The following ACAD11 variants were observed in gnomAD, a reference collection of about 807,000 sequenced individuals.
ACAD11 encodes acyl-Coenzyme A dehydrogenase family, member 11.
A neutral mutation model predicts 102.2 loss-of-function variants in ACAD11; 83 were observed. The ratio of observed to expected loss-of-function variants is 0.81; its 90% CI spans 0.68 to 0.97. The LOEUF (loss-of-function observed/expected upper bound fraction) is 0.97, where lower values mean the gene tolerates loss of function less well. Ranked by LOEUF, ACAD11 falls within the 50% of genes least tolerant of loss-of-function variation. The pLI, the probability that ACAD11 is intolerant of heterozygous loss-of-function variation, is 0.00. For missense variants in ACAD11, 901 were observed against 951.7 expected (o/e 0.95, Z 0.70); for synonymous variants, 324 against 319.8 (o/e 1.01, Z -0.14).
At chr3:132,638,439 C>T (rs1186008636) in intron 5 of ACAD11, among the ~76,000 whole-genome samples, 1 of 152,118 alleles carries the variant, frequency 6.6e-6, no homozygotes. Context: ...TTTAAGTTCA[C>T]ACTGCTAGGG....
chr3:132,559,581 C>T (rs11920082), intron 19 of ACAD11, among the ~76,000 whole-genome samples: 3,546 of 152,084 alleles, frequency 0.023, 139 homozygotes, highest in African/African-American at 0.08. Context: ...AGCGAAACCC[C>T]ATGCTGTATC....
In ACAD11 at chr3:132,561,314, T is replaced by C. The variant is rs1252940368; in HGVS notation, c.2002-97A>G. On this transcript the variant is annotated intron_variant, in intron 17 of 19. Coordinates refer to ENST00000264990, the MANE Select transcript of ACAD11 (RefSeq NM_032169.5). ...CTTATAGTTTGGTGAAAACACTCTC[T>C]AAGCCAGAGATTGTTCACAAGCTTT... 15 of 873,722 alleles carry C rather than the reference T, an allele frequency of 1.7e-5. No individual in the cohort carries two copies. The Admixed American group carries it at 2.3e-4, about 13-fold the overall frequency. 54.1% of individuals were successfully genotyped at this position (873,722 alleles called of 1,614,324 possible). A position where few individuals can be genotyped will look rare whatever the true frequency, so the allele number is the denominator to read the frequency against.
chr3:132,623,926 A>C (rs1302232108), intron 9 of ACAD11, among the ~76,000 whole-genome samples: 2 of 152,186 alleles, frequency 1.3e-5, no homozygotes, highest in Non-Finnish European at 2.9e-5. Flanking sequence ...TTTTAGAGAA[A>C]GTAGGTAGGA....
At chr3:132,631,203 A>G (rs1227635979) in intron 6 of ACAD11, 138 bp downstream of exon 6, 1 of 468,772 alleles carries the variant, frequency 2.1e-6, no homozygotes, top group Admixed American at 4.5e-5. Context: ...ATAAAATAAA[A>G]ATAAAAATCA....
rs1370162862 is a variant in ACAD11, at chr3:132,630,455, C to T, written c.945G>A (p.Lys315=). Residue 315 remains lysine (K), a synonymous_variant, in exon 7 of 20, where the codon AAG becomes AAA. Coordinates refer to ENST00000264990, the MANE Select transcript of ACAD11 (RefSeq NM_032169.5). The part of the protein sequence containing the change: ...WNFFLALSYF[K]MAGIAQGVYS... ...TAATTACCTGTGCTATTCCAGCCAT[C>T]TTAAAATATGAAAGGGCAAGAAAGA... 1 of 1,613,100 alleles carries T rather than the reference C, an allele frequency of 6.2e-7. No homozygotes were observed. Among genetic ancestry groups the T allele is most frequent in the East Asian group, 2.2e-5 (1 of 44,798 alleles).
chr3:132,641,698 G>GGAA (rs199597510), intron 4 of ACAD11, among the ~76,000 whole-genome samples: 16,416 of 116,162 alleles, frequency 0.14, 1,524 homozygotes, highest in Middle Eastern at 0.31. Flanking sequence ...AAGAGGAAGA[G>GGAA]GAAGAAGAAG....
At chr3:132,582,190 CAG>C (rs1937609861) in intron 13 of ACAD11, among the ~76,000 whole-genome samples, 1 of 151,518 alleles carries the variant, frequency 6.6e-6, no homozygotes, top group East Asian at 1.9e-4. Context: ...TAAGAAAGAG[CAG>C]AGAGAGTTAT....
intron 11 of ACAD11, among the ~76,000 whole-genome samples, chr3:132,617,714 T>C (rs555694335): frequency 1.6e-4 from 24 of 152,318 alleles, no homozygotes; most frequent in African/African-American, 5.8e-4. Flanking sequence ...AAATTCCCAT[T>C]GGCTCATCCT....
At chr3:132,617,376 A>G (rs979220455) in intron 11 of ACAD11, among the ~76,000 whole-genome samples, 1 of 152,022 alleles carries the variant, frequency 6.6e-6, no homozygotes, top group Non-Finnish European at 1.5e-5. Context: ...TACTCCTTTC[A>G]TTTTACTTTT....
intron 18 of ACAD11, 60 bp downstream of exon 18, chr3:132,561,041 A>G (rs762205697): frequency 7.8e-7 from 1 of 1,288,626 alleles, no homozygotes; most frequent in Non-Finnish European, 1.1e-6. Context: ...AATGTCCAAC[A>G]GGTGAGAGAA....
chr3:132,568,801 C>CAAAAAAAAAAAAAAAAAAAA (rs755568917), intron 17 of ACAD11, among the ~76,000 whole-genome samples: 26 of 68,680 alleles, frequency 3.8e-4, no homozygotes, highest in East Asian at 1.3e-3. Context: ...CATCCACAGG[C>CAAAAAAAAAAAAAAAAAAAA]AAAAAAAAAA....
intron 6 of ACAD11, among the ~76,000 whole-genome samples, chr3:132,630,836 C>G (rs904398204): frequency 1.4e-4 from 21 of 152,178 alleles, no homozygotes; most frequent in South Asian, 2.1e-4. Flanking sequence ...TAGCACTTTG[C>G]GGGGGCCGAG....
At chr3:132,598,895 G>A (rs924142016) in intron 13 of ACAD11, among the ~76,000 whole-genome samples, 1 of 152,212 alleles carries the variant, frequency 6.6e-6, no homozygotes, top group African/African-American at 2.4e-5. Flanking sequence ...GTGTCTTCCA[G>A]ATGAGGAACA....
At chr3:132,644,002 A>C (rs1403443224) in intron 2 of ACAD11, among the ~76,000 whole-genome samples, 1 of 152,144 alleles carries the variant, frequency 6.6e-6, no homozygotes, top group African/African-American at 2.4e-5. Flanking sequence ...GATATTTAAT[A>C]AAAGTTACCC....
At chr3:132,580,605 A>C (rs1279051871) in intron 13 of ACAD11, among the ~76,000 whole-genome samples, 1 of 152,058 alleles carries the variant, frequency 6.6e-6, no homozygotes, top group African/African-American at 2.4e-5. Context: ...AAATGTGAAT[A>C]GTTATTGGAA....
chr3:132,659,658 G>A lies in ACAD11; in HGVS notation c.94C>T (p.His32Tyr), dbSNP rs752553531. ...SKSLEAYLNQHLSGFGAEREA... is the reference protein window; with the variant it reads ...SKSLEAYLNQYLSGFGAEREA... Reference sequence around the variant, plus strand: ...CGTTCGGCCCCAAAGCCAGACAAGTGCTGGTTTAGGTAGGCCTCCAGGGAC... The same window carrying A: ...CGTTCGGCCCCAAAGCCAGACAAGTACTGGTTTAGGTAGGCCTCCAGGGAC... The change falls in exon 1 of 20, where the codon CAC becomes TAC. Residue 32 changes from histidine to tyrosine, a missense_variant. By Grantham distance (83) the His-to-Tyr change is moderately conservative. Transcript: ENST00000264990. The A allele has an allele frequency of 1.2e-6, 2 of 1,611,742 alleles. No homozygotes were observed. The highest frequency in any genetic ancestry group is 1.3e-5 in the African/African-American group (1 of 74,866).
intron 11 of ACAD11, among the ~76,000 whole-genome samples, chr3:132,607,389 G>T (rs991866301): frequency 2.0e-5 from 3 of 152,166 alleles, no homozygotes; most frequent in Non-Finnish European, 2.9e-5. Context: ...AAAGGTTAGA[G>T]GAATTGCTAA....
chr3:132,657,866 CTT>C (rs56190801), intron 1 of ACAD11, among the ~76,000 whole-genome samples: 153 of 119,128 alleles, frequency 1.3e-3, no homozygotes, highest in South Asian at 3.2e-3. Flanking sequence ...ACACATATTC[CTT>C]TTTTTTTTTT....
chr3:132,654,732 GA>G (rs1298117867), intron 1 of ACAD11: 1 of 152,212 alleles, frequency 6.6e-6, no homozygotes, highest in Non-Finnish European at 1.5e-5. Flanking sequence ...TGGTCTCCCA[GA>G]ATACTTGCTG....
Sources: gnomAD v4.1 joint callset for allele counts (sites outside exome capture counted in the v4.1 genomes callset) on GRCh38, gnomAD v4.1.1 for gene constraint, MANE v1.5 for transcripts, NCBI Gene and HGNC (gene_info 2026-07-23, HGNC 2026-07-21) for gene names.